The following NRXN3 variants were observed in gnomAD, a reference collection of about 807,000 sequenced individuals.
The protein encoded by NRXN3 is neurexin III.
A neutral mutation model predicts 137.6 loss-of-function variants in NRXN3; 32 were observed. The observed-to-expected ratio is 0.23, with a 90% CI of 0.18 to 0.31. The LOEUF (loss-of-function observed/expected upper bound fraction) is 0.31. Ranked by LOEUF, NRXN3 falls within the 10% of genes least tolerant of loss-of-function variation. The pLI, the probability that NRXN3 is intolerant of heterozygous loss-of-function variation, is 1.00. For synonymous variants in NRXN3, 798 were observed against 784.5 expected (o/e 1.02, Z -0.29); for missense variants, 1,574 against 2,062.5 (o/e 0.76, Z 4.59).
chr14:79,650,212 A>G (rs1412296505), intron 16 of NRXN3, among the ~76,000 whole-genome samples: 1 of 152,148 alleles, frequency 6.6e-6, no homozygotes, highest in African/African-American at 2.4e-5. Context: ...TGTTTTTTCT[A>G]CACAGAAGAA....
At chr14:79,753,043 T>G in intron 19 of NRXN3, among the ~76,000 whole-genome samples, 1 of 150,774 alleles carries the variant, frequency 6.6e-6, no homozygotes, top group Admixed American at 6.6e-5. Flanking sequence ...CCAGTTAGAA[T>G]GGCAATCATT....
Position 78,243,031 on chromosome 14 carries a change from G to T in NRXN3, c.-63G>T. The T allele has an allele frequency of 8.1e-7, 1 of 1,232,974 alleles. No individual in the cohort carries two copies. Among genetic ancestry groups the T allele is most frequent in the Non-Finnish European group, 1.1e-6 (1 of 910,524 alleles). The allele number at this position is 1,232,974 out of a possible 1,614,324, so 76.4% of individuals were successfully genotyped here. On this transcript the variant is annotated 5_prime_UTR_variant, in exon 2 of 21. Coordinates refer to ENST00000335750, the MANE Select transcript of NRXN3 (RefSeq NM_001330195.2). The surrounding 1 kb of genome is among the most constrained non-coding windows in gnomAD (Gnocchi z 4.2). ...TTTCCCACTTCTATTGCCAAAGGGAGAGATCCTCTCCGGGCTGTTCCCTGG... is the reference window on the plus strand; with the variant it reads ...TTTCCCACTTCTATTGCCAAAGGGATAGATCCTCTCCGGGCTGTTCCCTGG...
At chr14:79,212,049 T>C (rs2067747316) in intron 15 of NRXN3, among the ~76,000 whole-genome samples, 1 of 152,200 alleles carries the variant, frequency 6.6e-6, no homozygotes, top group African/African-American at 2.4e-5. Flanking sequence ...CAATCTTGGC[T>C]TAAAGGGCAA....
intron 4 of NRXN3, among the ~76,000 whole-genome samples, chr14:78,546,933 C>G (rs140343219): frequency 1.3e-5 from 2 of 152,302 alleles, no homozygotes; most frequent in Non-Finnish European, 2.9e-5. Context: ...GGGATTTGAA[C>G]TCTGGGAATC....
intron 15 of NRXN3, among the ~76,000 whole-genome samples, chr14:78,989,221 A>C (rs979553898): frequency 6.6e-6 from 1 of 152,256 alleles, no homozygotes; most frequent in African/African-American, 2.4e-5. Flanking sequence ...AGAAAATAGT[A>C]AAGTCACATT....
At chr14:79,710,294 CTT>C (rs2098798515) in intron 19 of NRXN3, among the ~76,000 whole-genome samples, 1 of 152,052 alleles carries the variant, frequency 6.6e-6, no homozygotes, top group Non-Finnish European at 1.5e-5. Flanking sequence ...CTGTAACACT[CTT>C]AATATAATTA....
chr14:79,156,855 G>C (rs991728526), intron 15 of NRXN3, among the ~76,000 whole-genome samples: 2 of 151,852 alleles, frequency 1.3e-5, no homozygotes, highest in East Asian at 3.9e-4. Flanking sequence ...CCTCAGCACT[G>C]CTGACATAGT....
chr14:79,684,636 G>A (rs913948484), intron 17 of NRXN3, among the ~76,000 whole-genome samples: 4 of 152,070 alleles, frequency 2.6e-5, no homozygotes, highest in Non-Finnish European at 5.9e-5. Context: ...TTGTGCAGCG[G>A]AATTGTCCTC....
At position 79,819,629 on chromosome 14, in the gene NRXN3, C is replaced by T. The variant is rs148334108; in HGVS notation, c.4093+14439C>T. On this transcript the variant is annotated intron_variant, in intron 20 of 20. Transcript: ENST00000335750. Reference sequence around the variant, plus strand: ...CCGCCTGAGTAGCTGGGACTAAAGGCGTGAGCCACCACGCCCAGCTAATTT... The same window carrying T: ...CCGCCTGAGTAGCTGGGACTAAAGGTGTGAGCCACCACGCCCAGCTAATTT... Among the ~76,000 whole-genome samples the T allele has an allele frequency of 4.1e-3, 619 of 151,718 alleles. 2 individuals are homozygous for T. Among genetic ancestry groups the T allele is most frequent in the African/African-American group, 0.013 (547 of 41,330 alleles).
chr14:78,223,007 G>A lies in NRXN3; in HGVS notation c.-703-19384G>A, dbSNP rs547292009. 1.5e-4 allele frequency among the ~76,000 whole-genome samples: 23 copies of A among 152,278 alleles called. 1 individual carries two copies. Among genetic ancestry groups the A allele is most frequent in the African/African-American group, 4.8e-4 (20 of 41,538 alleles). ...TAAAAGAATTCAAAACTTATTTTTG[G>A]TAATGTCACTCAACAAATATTTAGG... On this transcript the variant is annotated intron_variant, in intron 1 of 20. Coordinates refer to ENST00000335750, the MANE Select transcript of NRXN3 (RefSeq NM_001330195.2).
intron 16 of NRXN3, among the ~76,000 whole-genome samples, chr14:79,565,868 G>C (rs189398444): frequency 2.6e-5 from 4 of 152,134 alleles, no homozygotes; most frequent in African/African-American, 9.6e-5. Context: ...TGAATTACTT[G>C]CTAAATACAA....
chr14:78,378,808 A>G (rs1301400658), intron 4 of NRXN3, among the ~76,000 whole-genome samples: 1 of 152,198 alleles, frequency 6.6e-6, no homozygotes, highest in Non-Finnish European at 1.5e-5. Flanking sequence ...CTGAAAACAG[A>G]AAAACAACCT....
intron 15 of NRXN3, among the ~76,000 whole-genome samples, chr14:79,297,251 T>TATCCATTTCCTAAGTAG (rs1229864475): frequency 6.6e-6 from 1 of 152,148 alleles, no homozygotes; most frequent in Non-Finnish European, 1.5e-5. Context: ...ATTTGATTAA[T>TATCCATTTCCTAAGTAG]ATCCATTTCC....
At chr14:79,428,785 G>GA (rs2153546928) in intron 15 of NRXN3, among the ~76,000 whole-genome samples, 1 of 152,234 alleles carries the variant, frequency 6.6e-6, no homozygotes, top group South Asian at 2.1e-4. Flanking sequence ...TTCAGTACCT[G>GA]AAAATCTTCT....
chr14:78,572,287 C>G (rs192065713), intron 4 of NRXN3, among the ~76,000 whole-genome samples: 2 of 152,312 alleles, frequency 1.3e-5, no homozygotes, highest in Non-Finnish European at 2.9e-5. Flanking sequence ...CTCCCTTGCT[C>G]TCACTCTCAT....
chr14:79,244,057 C>T (rs2074776634), intron 15 of NRXN3, among the ~76,000 whole-genome samples: 1 of 152,076 alleles, frequency 6.6e-6, no homozygotes, highest in Non-Finnish European at 1.5e-5. Context: ...ATTATCCTGG[C>T]TCTATCGTTT....
intron 16 of NRXN3, among the ~76,000 whole-genome samples, chr14:79,628,195 T>G (rs1435752746): frequency 6.6e-6 from 1 of 152,226 alleles, no homozygotes; most frequent in Non-Finnish European, 1.5e-5. Context: ...ATGTTTTATA[T>G]GATCAATTCA....
chr14:78,434,008 G>A (rs1411244563), intron 4 of NRXN3, among the ~76,000 whole-genome samples: 1 of 152,130 alleles, frequency 6.6e-6, no homozygotes, highest in South Asian at 2.1e-4. Context: ...AAACATCATA[G>A]CTTAGCCCAG....
chr14:79,804,589 C>T (rs995732757), intron 19 of NRXN3, among the ~76,000 whole-genome samples: 2 of 152,134 alleles, frequency 1.3e-5, no homozygotes, highest in Non-Finnish European at 2.9e-5. Context: ...ATGATAAAAG[C>T]CATTATGCAG....
Sources: gnomAD v4.1 joint callset for allele counts (sites outside exome capture counted in the v4.1 genomes callset) on GRCh38, gnomAD v4.1.1 for gene constraint, Gnocchi (gnomAD v3.1) non-coding constraint, MANE v1.5 for transcripts, NCBI Gene and HGNC (gene_info 2026-07-23, HGNC 2026-07-21) for gene names.